ADAM17: variants seen among roughly 807,000 people sequenced by gnomAD.
The protein encoded by ADAM17 is ADAM metallopeptidase domain 17.
Under a neutral mutation model 96.7 loss-of-function variants are expected in ADAM17, and 39 were observed. The ratio of observed to expected loss-of-function variants is 0.40; its 90% CI spans 0.31 to 0.53. ADAM17 has a LOEUF of 0.53. Among genes scored for constraint, ADAM17 ranks in the 20% least tolerant of loss-of-function variants. The pLI is 0.44. For missense variants in ADAM17, 777 were observed against 1,013.2 expected (o/e 0.77, Z 3.17); for synonymous variants, 344 against 359.2 (o/e 0.96, Z 0.48).
At chr2:9,500,365 A>G (rs1486484959) in intron 13 of ADAM17, among the ~76,000 whole-genome samples, 1 of 152,218 alleles carries the variant, frequency 6.6e-6, no homozygotes, top group African/African-American at 2.4e-5. Context: ...ACAACTCCAT[A>G]AAGAATAGGG....
chr2:9,551,909 T>C (rs1324811676), intron 1 of ADAM17, among the ~76,000 whole-genome samples: 2 of 152,188 alleles, frequency 1.3e-5, no homozygotes, highest in African/African-American at 2.4e-5. Flanking sequence ...TTTTACATGC[T>C]ACAATAAGTA....
At position 9,494,698 on chromosome 2, in the gene ADAM17, T is replaced by G; in HGVS notation, c.1853A>C (p.Glu618Ala). ...TTTCCTCAAAAATAAGTTCTTTTGT[T>G]CAGCATCGACATAGGGCACACAGCG... ...SGRCVPYVDAEQKNLFLRKGK... is the reference protein window; with the variant it reads ...SGRCVPYVDAAQKNLFLRKGK... The change falls in exon 15 of 19, where the codon GAA (glutamate) becomes GCA (alanine). Residue 618 changes from glutamate (E) to alanine (A), a missense_variant. By Grantham distance (107) the Glu-to-Ala change is moderately radical. Around this residue, in one of 3 missense-constraint regions of ADAM17, gnomAD observed 446 missense variants for 664.7 expected, o/e 0.67. Transcript: ENST00000310823. 6.2e-7 allele frequency: 1 copy of G among 1,614,132 alleles called. No individual in the cohort carries two copies. The highest frequency in any genetic ancestry group is 8.5e-7 in the Non-Finnish European group (1 of 1,180,010).
chr2:9,500,241 C>T (rs1214142310), intron 13 of ADAM17, among the ~76,000 whole-genome samples: 1 of 152,208 alleles, frequency 6.6e-6, no homozygotes, highest in African/African-American at 2.4e-5. Flanking sequence ...CTGATACATG[C>T]TACAACATAC....
chr2:9,517,423 T>A (rs1313726644), intron 10 of ADAM17, among the ~76,000 whole-genome samples: 2 of 152,130 alleles, frequency 1.3e-5, no homozygotes, highest in Non-Finnish European at 2.9e-5. Flanking sequence ...TCAATCAGGC[T>A]TAAGAGTGGA....
rs200988113 is a variant in ADAM17 at position 9,521,232 on chromosome 2, C to G, written c.928G>C (p.Asp310His). ...AGCAACATCTTCACATCCCAAGCAT[C>G]CTTTTCTTCATTTGGGTAACTTTTT... ...MAKSYPNEEK[D>H]AWDVKMLLEQ... The change falls in exon 8 of 19, where the codon GAT becomes CAT. Residue 310 changes from aspartate (D) to histidine (H), a missense_variant. Physicochemically the swap from Asp to His is moderately conservative, Grantham distance 81. Coordinates refer to ENST00000310823, the MANE Select transcript of ADAM17 (RefSeq NM_003183.6). The G allele has an allele frequency of 2.7e-5, 44 of 1,610,822 alleles. No homozygotes were observed. Among genetic ancestry groups the G allele is most frequent in the Non-Finnish European group, 3.0e-5 (35 of 1,177,232 alleles).
At chr2:9,528,736 G>A (rs1664625348) in intron 4 of ADAM17, among the ~76,000 whole-genome samples, 1 of 152,034 alleles carries the variant, frequency 6.6e-6, no homozygotes. Context: ...AAACCCCAAT[G>A]GGGAAAAAAA....
At chr2:9,510,229 C>T in intron 10 of ADAM17, 98 bp from the exon 11 acceptor site, 7 of 1,193,408 alleles carry the variant, frequency 5.9e-6, no homozygotes, top group African/African-American at 1.5e-5. Context: ...GCCTTATAAT[C>T]AGATCAACAA....
In ADAM17 at chr2:9,509,855, T is replaced by C. The variant is rs2125007438; in HGVS notation, c.1344+124A>G. 5 of 1,264,848 alleles carry C rather than the reference T, an allele frequency of 4.0e-6. No individual in the cohort carries two copies. In the South Asian group the frequency reaches 5.7e-5, roughly 15 times the overall value. 78.4% of individuals were successfully genotyped at this position (1,264,848 alleles called of 1,614,324 possible). ...ACACACAACCACGTTTCAAGGTACT[T>C]TGTAATTTGCACATCCATCCCTAGG... On this transcript the variant is annotated intron_variant, in intron 11 of 18. Transcript: ENST00000310823.
chr2:9,518,659 TTTAATC>T (rs1215500965), intron 8 of ADAM17, among the ~76,000 whole-genome samples: 1 of 152,166 alleles, frequency 6.6e-6, no homozygotes, highest in Non-Finnish European at 1.5e-5. Context: ...TTATAGAAAT[TTTAATC>T]TTAAACTTTT....
At chr2:9,548,030 GC>G (rs895864687) in intron 1 of ADAM17, among the ~76,000 whole-genome samples, 7 of 151,616 alleles carry the variant, frequency 4.6e-5, no homozygotes, top group Non-Finnish European at 1.0e-4. Flanking sequence ...TCGTGCCACT[GC>G]ACTCCAGCCT....
intron 12 of ADAM17, among the ~76,000 whole-genome samples, chr2:9,504,242 C>T (rs1410363370): frequency 1.3e-5 from 2 of 148,918 alleles, no homozygotes; most frequent in African/African-American, 2.5e-5. Context: ...GTCAGGAGAT[C>T]GAGACCATCC....
chr2:9,492,984 T>G lies in ADAM17; in HGVS notation c.1996A>C (p.Lys666Gln). 1 of 1,609,310 alleles carries G rather than the reference T, an allele frequency of 6.2e-7. No individual in the cohort carries two copies. The highest frequency in any genetic ancestry group is 8.5e-7 in the Non-Finnish European group (1 of 1,177,636). Residue 666 changes from lysine (K) to glutamine (Q), a missense_variant and splice_region_variant, in exon 17 of 19, where the codon AAG becomes CAG. Lys to Gln is a moderately conservative substitution (Grantham distance 53). Around this residue, in one of 3 missense-constraint regions of ADAM17, gnomAD observed 197 missense variants for 219.4 expected, o/e 0.90. Coordinates refer to ENST00000310823, the MANE Select transcript of ADAM17 (RefSeq NM_003183.6). ...CCAACGATGTTGTCTGCTAAAAACT[T>G]TCCTGTGAACAATTCCAAACAGTTA... is the stretch of plus-strand genomic sequence containing the variant. ...IDQLSINTFG[K>Q]FLADNIVGSV... is the part of the protein sequence containing the mutation.
chr2:9,541,462 C>T (rs1665201884), intron 2 of ADAM17, among the ~76,000 whole-genome samples: 1 of 152,138 alleles, frequency 6.6e-6, no homozygotes, highest in African/African-American at 2.4e-5. Flanking sequence ...ACTCGGGAAG[C>T]TGAGGCAGGA....
chr2:9,497,604 AT>A (rs1662708432), intron 13 of ADAM17, among the ~76,000 whole-genome samples: 1 of 152,204 alleles, frequency 6.6e-6, no homozygotes, highest in Non-Finnish European at 1.5e-5. Context: ...GGCCTTCCCT[AT>A]CTGGCCCTGA....
chr2:9,502,875 G>GTC (rs1663095484), intron 12 of ADAM17, among the ~76,000 whole-genome samples: 1 of 75,142 alleles, frequency 1.3e-5, no homozygotes, highest in African/African-American at 6.2e-5. Context: ...GAGAAATTCT[G>GTC]TCTCAAAAAA....
chr2:9,527,737 A>T, intron 5 of ADAM17, 49 bp downstream of exon 5: 2 of 1,296,910 alleles, frequency 1.5e-6, no homozygotes, highest in Non-Finnish European at 2.0e-6. Context: ...TACTGAAGTC[A>T]ATTGTAGTAT....
intron 1 of ADAM17, among the ~76,000 whole-genome samples, chr2:9,546,700 G>T (rs1665415344): frequency 6.7e-6 from 1 of 149,612 alleles, no homozygotes; most frequent in Non-Finnish European, 1.5e-5. Flanking sequence ...TCTCAGCTCA[G>T]TGTCTGGCCA....
intron 12 of ADAM17, among the ~76,000 whole-genome samples, chr2:9,504,090 G>A (rs1663211364): frequency 6.6e-6 from 1 of 152,102 alleles, no homozygotes; most frequent in South Asian, 2.1e-4. Context: ...GGTTGAGGCT[G>A]CAGTGAGCCA....
chr2:9,511,239 A>G (rs976263320), intron 10 of ADAM17, among the ~76,000 whole-genome samples: 7 of 152,198 alleles, frequency 4.6e-5, no homozygotes, highest in Admixed American at 4.6e-4. Context: ...GCCTGAGGTC[A>G]GGAGTTCGAG....
Sources: gnomAD v4.1 joint callset for allele counts (sites outside exome capture counted in the v4.1 genomes callset) on GRCh38, gnomAD v4.1.1 for gene constraint, gnomAD v4.1.1 regional missense constraint, MANE v1.5 for transcripts, NCBI Gene and HGNC (gene_info 2026-07-23, HGNC 2026-07-21) for gene names.